Variants in NDRG4 observed in about 807,000 individuals in gnomAD.
The protein encoded by NDRG4 is protein NDRG4.
A neutral mutation model predicts 55.8 loss-of-function variants in NDRG4; 38 were observed. The observed-to-expected ratio is 0.68, with a 90% confidence interval of 0.53 to 0.89. NDRG4 has a LOEUF of 0.89. Among genes scored for constraint, NDRG4 ranks in the 40% least tolerant of loss-of-function variants. The pLI is 0.00. For missense variants in NDRG4, 455 were observed against 468.6 expected, an observed-to-expected ratio of 0.97 and a Z score of 0.27; for synonymous variants, 190 against 182.7, an observed-to-expected ratio of 1.04 and a Z score of -0.32.
At chr16:58,505,217 C>T (rs1365959390) in intron 5 of NDRG4, among the ~76,000 whole-genome samples, 8 of 151,546 alleles carry the variant, frequency 5.3e-5, no homozygotes, top group South Asian at 2.1e-4. Flanking sequence ...GGCGTAGTGG[C>T]GGGCGCCTGT....
rs1478983992 is a variant in NDRG4 at position 58,512,188 on chromosome 16, AGAACAT to A, written c.*614_*619del. 2 of 438,988 alleles carry A rather than the reference AGAACAT, an allele frequency of 4.6e-6. No homozygotes were observed. Among genetic ancestry groups the A allele is most frequent in the Non-Finnish European group, 9.1e-6 (2 of 219,048 alleles). The allele number at this position is 438,988 out of a possible 1,614,324, so 27.2% of individuals were successfully genotyped here. A position where few individuals can be genotyped will look rare whatever the true frequency, so the allele number is the denominator to read the frequency against. ...AGGGGTTTCTCTGCCCAAGGAAGAC[AGAACAT>A]GGAGAACCGTCAGGGCAGGAACCCC... On this transcript the variant is annotated 3_prime_UTR_variant, in exon 15 of 15. Transcript: ENST00000570248.
intron 10 of NDRG4, among the ~76,000 whole-genome samples, chr16:58,508,744 G>T (rs1403800896): frequency 2.0e-5 from 3 of 152,206 alleles, no homozygotes; most frequent in Admixed American, 1.3e-4. Flanking sequence ...GGGCTCCAAG[G>T]GTCCCAGGCC....
chr16:58,508,063 G>C lies in NDRG4; in HGVS notation c.729+64G>C, dbSNP rs549946837. 5.6e-6 allele frequency: 8 copies of C among 1,418,926 alleles called. No individual in the cohort carries two copies. The South Asian group carries it at 8.5e-5, about 15-fold the overall frequency. 87.9% of individuals were successfully genotyped at this position (1,418,926 alleles called of 1,614,324 possible). A position where few individuals can be genotyped will look rare whatever the true frequency, so the allele number is the denominator to read the frequency against. ...AGGGGTGAGGGGCTCACTGGCCCCT[G>C]CCCAGCAGGGACAATTCTTGATCCA... On this transcript the variant is annotated intron_variant, in intron 10 of 14. Coordinates refer to ENST00000570248, the MANE Select transcript of NDRG4 (RefSeq NM_001242835.2).
chr16:58,477,806 CAT>C (rs987116235), intron 1 of NDRG4, among the ~76,000 whole-genome samples: 2 of 152,038 alleles, frequency 1.3e-5, no homozygotes, highest in African/African-American at 4.8e-5. Context: ...TATGATGAGA[CAT>C]AGGATGTTTA....
chr16:58,509,455 G>A (rs1339818570), intron 13 of NDRG4, 103 bp downstream of exon 13: 5 of 1,225,152 alleles, frequency 4.1e-6, no homozygotes, highest in Non-Finnish European at 4.7e-6. Context: ...GTGTCAGGTG[G>A]TAGTAGGGAG....
intron 1 of NDRG4, chr16:58,501,165 C>T (rs1241931067): frequency 1.1e-6 from 1 of 911,454 alleles, no homozygotes; most frequent in Non-Finnish European, 1.4e-6. Flanking sequence ...CCTGCCGGTT[C>T]CGCAGACGAT....
chr16:58,499,815 T>G, upstream of NDRG4: 1 of 316,494 alleles, frequency 3.2e-6, no homozygotes, highest in Non-Finnish European at 6.1e-6. Context: ...GTACCTGACA[T>G]GGGTGAGTCT....
In NDRG4 at chr16:58,491,453, C is replaced by T. The variant is rs2035778610; in HGVS notation, c.73-3511C>T. Among the ~76,000 whole-genome samples the T allele has an allele frequency of 4.4e-5, 3 of 68,418 alleles. No individual in the cohort carries two copies. In the East Asian group the frequency reaches 9.4e-4, roughly 21 times the overall value. The allele number at this position is 68,418 out of a possible 152,430, so 44.9% of individuals were successfully genotyped here. ...CAGTGCTGAAAGCATCCATCCTTTTCACTTTTTTTTTTTTCATTTTATTTA... is the reference window on the plus strand; with the variant it reads ...CAGTGCTGAAAGCATCCATCCTTTTTACTTTTTTTTTTTTCATTTTATTTA... On this transcript the variant is annotated intron_variant, in intron 2 of 15. Coordinates refer to the NDRG4 transcript ENST00000258187.
At chr16:58,504,444 C>A (rs148945420) in intron 4 of NDRG4, 23 bp downstream of exon 4, 1 of 1,612,168 alleles carries the variant, frequency 6.2e-7, no homozygotes, top group Non-Finnish European at 8.5e-7. Flanking sequence ...ACAGCCCCTG[C>A]GCTAGGGCCC....
At chr16:58,492,002 G>A (rs929000515) in intron 2 of NDRG4, among the ~76,000 whole-genome samples, 1 of 151,476 alleles carries the variant, frequency 6.6e-6, no homozygotes, top group Admixed American at 6.6e-5. Flanking sequence ...GGCTGGTCTC[G>A]AACTCCTGGC....
intron 1 of NDRG4, among the ~76,000 whole-genome samples, chr16:58,476,068 A>T (rs949840736): frequency 9.2e-5 from 14 of 152,236 alleles, no homozygotes; most frequent in African/African-American, 3.4e-4. Flanking sequence ...AAGTGCTGGG[A>T]TTACAGGCAT....
intron 10 of NDRG4, among the ~76,000 whole-genome samples, chr16:58,508,235 C>T (rs567942296): frequency 6.6e-6 from 1 of 152,330 alleles, no homozygotes; most frequent in South Asian, 2.1e-4. Flanking sequence ...AGGGCTGGGC[C>T]ATCAGAAGGT....
intron 8 of NDRG4, 153 bp from the exon 9 acceptor site, chr16:58,507,655 G>A (rs954587876): frequency 1.1e-5 from 8 of 715,486 alleles, no homozygotes; most frequent in Non-Finnish European, 1.9e-5. Flanking sequence ...GTGCTAGGGA[G>A]TCCAAAAAGC....
At chr16:58,477,292 T>C (rs1253560104) in intron 1 of NDRG4, among the ~76,000 whole-genome samples, 1 of 152,176 alleles carries the variant, frequency 6.6e-6, no homozygotes, top group African/African-American at 2.4e-5. Flanking sequence ...TCTTGATTTC[T>C]AAACGTCATT....
intron 11 of NDRG4, 38 bp from the exon 12 acceptor site, chr16:58,509,116 A>C (rs2038427891): frequency 1.2e-6 from 2 of 1,613,802 alleles, no homozygotes; most frequent in East Asian, 2.2e-5. Flanking sequence ...TCCTGGAGTG[A>C]GGGCCCTGCT....
At chr16:58,510,421 G>C (rs2038654241) in intron 13 of NDRG4, among the ~76,000 whole-genome samples, 1 of 152,200 alleles carries the variant, frequency 6.6e-6, no homozygotes, top group South Asian at 2.1e-4. Context: ...CACCCCACCT[G>C]TCAGGGCTTC....
At chr16:58,506,149 T>TGTGG in intron 5 of NDRG4, 1 of 630,054 alleles carries the variant, frequency 1.6e-6, no homozygotes, top group Non-Finnish European at 2.9e-6. Context: ...TGTGTGTGTG[T>TGTGG]GTGTGTGTCT....
At chr16:58,502,045 G>A in intron 1 of NDRG4, 1 of 455,910 alleles carries the variant, frequency 2.2e-6, no homozygotes, top group Non-Finnish European at 4.4e-6. Flanking sequence ...TCCCTCGGGT[G>A]GAACCTGATC....
chr16:58,501,160 C>T, intron 1 of NDRG4: 1 of 970,818 alleles, frequency 1.0e-6, no homozygotes, highest in Non-Finnish European at 1.3e-6. Context: ...CCTGCCCTGC[C>T]GGTTCCGCAG....
Sources: allele counts gnomAD v4.1 joint callset (sites outside exome capture counted in the v4.1 genomes callset), GRCh38; gene constraint gnomAD v4.1.1; transcripts MANE v1.5; gene names NCBI Gene and HGNC (gene_info 2026-07-23, HGNC 2026-07-21).